TACC2: variants seen among roughly 807,000 people sequenced by gnomAD.
The protein encoded by TACC2 is transforming acidic coiled-coil containing protein 2, also known as transforming acidic coiled-coil-containing protein 2.
In TACC2, 137 loss-of-function variants were observed where a neutral mutation model predicts 227.3. The observed-to-expected ratio is 0.60, with a 90% CI of 0.52 to 0.69. The LOEUF (loss-of-function observed/expected upper bound fraction) is 0.69. Ranked by LOEUF, TACC2 falls within the 30% of genes least tolerant of loss-of-function variation. The pLI is 0.00. For synonymous variants in TACC2, 1,523 were observed against 1,487.5 expected (o/e 1.02, Z -0.55); for missense variants, 3,470 against 3,694.4 (o/e 0.94, Z 1.57).
chr10:122,204,900 C>G (rs1042516514), intron 8 of TACC2, among the ~76,000 whole-genome samples: 1 of 152,036 alleles, frequency 6.6e-6, no homozygotes, highest in Non-Finnish European at 1.5e-5. Context: ...GAAGTCCCAG[C>G]TGTCTGAACC....
chr10:122,175,468 C>T (rs961840976), intron 7 of TACC2, among the ~76,000 whole-genome samples: 10 of 152,320 alleles, frequency 6.6e-5, no homozygotes, highest in East Asian at 1.9e-4. Context: ...GCCCAGACCC[C>T]GTTCTGTCCA....
intron 2 of TACC2, among the ~76,000 whole-genome samples, chr10:122,042,097 G>A (rs1026833165): frequency 6.6e-5 from 10 of 150,520 alleles, no homozygotes; most frequent in Non-Finnish European, 1.0e-4. Flanking sequence ...AGGCGCCCGC[G>A]ACCACGCCCG....
intron 2 of TACC2, among the ~76,000 whole-genome samples, chr10:122,028,803 C>T (rs1398506759): frequency 1.5e-5 from 1 of 67,954 alleles, no homozygotes; most frequent in African/African-American, 6.5e-5. Flanking sequence ...CTCCCCTCCT[C>T]TCCCCTCCCC....
Position 122,085,874 on chromosome 10 carries a change from G to T in TACC2, c.3374G>T (p.Gly1125Val). Reference protein sequence around the residue: ...ASFPSAGEQGGEAGAAETGGS... With the variant: ...ASFPSAGEQGVEAGAAETGGS... ...TTCCCATCAGCTGGGGAGCAAGGTG[G>T]TGAAGCCGGGGCTGCTGAGACTGGT... The change falls in exon 4 of 23, where the codon GGT (glycine) becomes GTT (valine). Residue 1125 changes from glycine to valine, a missense_variant. By Grantham distance (109) the Gly-to-Val change is moderately radical. Coordinates refer to ENST00000369005, the MANE Select transcript of TACC2 (RefSeq NM_206862.4). 6.2e-7 allele frequency: 1 copy of T among 1,613,310 alleles called. No homozygotes were observed.
At chr10:122,170,095 G>A (rs2093391445) in intron 7 of TACC2, among the ~76,000 whole-genome samples, 2 of 151,608 alleles carry the variant, frequency 1.3e-5, no homozygotes, top group African/African-American at 4.9e-5. Context: ...ATTTCTCCTG[G>A]ATAGCTCAGG....
rs549804716 is a variant in TACC2, at chr10:122,132,432, G to C, written c.5574-177G>C. Reference sequence around the variant, plus strand: ...CTGTGGTGGCGGGGCGCCTGTAATCGCAGCTACTCAGGAGGCCAAGGGAGG... The same window carrying C: ...CTGTGGTGGCGGGGCGCCTGTAATCCCAGCTACTCAGGAGGCCAAGGGAGG... On this transcript the variant is annotated intron_variant, in intron 5 of 22. Coordinates refer to ENST00000369005, the MANE Select transcript of TACC2 (RefSeq NM_206862.4). 2.6e-5 allele frequency among the ~76,000 whole-genome samples: 4 copies of C among 152,300 alleles called. No individual in the cohort carries two copies. In the East Asian group the frequency reaches 7.7e-4, roughly 29 times the overall value.
chr10:122,163,711 A>G (rs1439909294), intron 7 of TACC2: 2 of 1,040,752 alleles, frequency 1.9e-6, no homozygotes, highest in Non-Finnish European at 2.4e-6. Flanking sequence ...ACTCGCGCGC[A>G]CACATACGCG....
chr10:122,235,498 T>C (rs2095840481), intron 16 of TACC2, among the ~76,000 whole-genome samples: 2 of 152,104 alleles, frequency 1.3e-5, no homozygotes, highest in South Asian at 4.1e-4. Context: ...CCTCCCAAAG[T>C]GTTGGGATTA....
intron 11 of TACC2, among the ~76,000 whole-genome samples, chr10:122,222,430 G>A (rs1054350340): frequency 6.6e-5 from 10 of 152,170 alleles, no homozygotes; most frequent in East Asian, 1.9e-4. Context: ...ATCTCCAGGC[G>A]TCTGCCACTC....
chr10:122,120,796 T>G (rs1458538162), intron 5 of TACC2, among the ~76,000 whole-genome samples: 1 of 152,078 alleles, frequency 6.6e-6, no homozygotes, highest in Non-Finnish European at 1.5e-5. Flanking sequence ...AGTCCTGCTC[T>G]GTCGTCCAGG....
intron 1 of TACC2, among the ~76,000 whole-genome samples, chr10:122,015,927 C>T (rs1956548542): frequency 2.0e-5 from 3 of 148,958 alleles, no homozygotes. Flanking sequence ...ATGCTTTGCA[C>T]TTTACATTCC....
intron 8 of TACC2, among the ~76,000 whole-genome samples, chr10:122,203,296 ACTTCC>A: frequency 7.7e-6 from 1 of 129,544 alleles, no homozygotes; most frequent in Admixed American, 7.5e-5. Context: ...GGGGCTCCTC[ACTTCC>A]CAGTAGGGGC....
chr10:122,136,066 C>T (rs551802027), intron 6 of TACC2, among the ~76,000 whole-genome samples: 1 of 152,312 alleles, frequency 6.6e-6, no homozygotes, highest in South Asian at 2.1e-4. Context: ...AATAAGGCAT[C>T]TTTAAACAGA....
intron 7 of TACC2, among the ~76,000 whole-genome samples, chr10:122,175,465 C>T (rs1051630029): frequency 6.6e-6 from 1 of 152,216 alleles, no homozygotes; most frequent in Admixed American, 6.5e-5. Context: ...CCTGCCCAGA[C>T]CCCGTTCTGT....
rs778234573 is a variant in TACC2, at chr10:122,195,158, C to T, written c.5953C>T (p.Pro1985Ser). 6.2e-7 allele frequency: 1 copy of T among 1,611,188 alleles called. No individual in the cohort carries two copies. Among genetic ancestry groups the T allele is most frequent in the South Asian group, 1.1e-5 (1 of 90,634 alleles). Residue 1985 changes from proline to serine, a missense_variant, in exon 8 of 23, where the codon CCA becomes TCA. Physicochemically the swap from Pro to Ser is moderately conservative, Grantham distance 74. Transcript: ENST00000369005. ...VIPEPEVSTQPPPEEPGCGSE... is the reference protein window; with the variant it reads ...VIPEPEVSTQSPPEEPGCGSE... The stretch of plus-strand genomic sequence containing the variant: ...CCCAGAACCCGAGGTCAGCACACAG[C>T]CACCCCCGGAAGAACCAGGTAACCA...
At chr10:122,192,206 T>A (rs755628307) in intron 7 of TACC2, among the ~76,000 whole-genome samples, 80 of 152,178 alleles carry the variant, frequency 5.3e-4, no homozygotes, top group Non-Finnish European at 1.0e-3. Context: ...TCGTTCATAG[T>A]AAACAGGCAA....
At chr10:122,189,797 T>A (rs2094345683) in intron 7 of TACC2, among the ~76,000 whole-genome samples, 1 of 152,230 alleles carries the variant, frequency 6.6e-6, no homozygotes. Flanking sequence ...AGGCTCTTGT[T>A]TGGAGGCAGT....
At chr10:122,025,552 C>T (rs1957880604) in intron 2 of TACC2, among the ~76,000 whole-genome samples, 1 of 149,726 alleles carries the variant, frequency 6.7e-6, no homozygotes, top group South Asian at 2.1e-4. Flanking sequence ...TGAGCCACTG[C>T]ACCCGGCCTA....
intron 5 of TACC2, among the ~76,000 whole-genome samples, chr10:122,114,114 C>T (rs987032121): frequency 2.6e-5 from 4 of 152,198 alleles, no homozygotes; most frequent in Middle Eastern, 3.4e-3. Flanking sequence ...GAAATGGAAG[C>T]GGGGCCTAAG....
Sources: gnomAD v4.1 joint callset for allele counts (sites outside exome capture counted in the v4.1 genomes callset) on GRCh38, gnomAD v4.1.1 for gene constraint, MANE v1.5 for transcripts, NCBI Gene and HGNC (gene_info 2026-07-23, HGNC 2026-07-21) for gene names.